Variants in NHLRC2 observed in about 807,000 individuals in gnomAD.
The protein encoded by NHLRC2 is NHL repeat-containing protein 2.
A neutral mutation model predicts 68.1 loss-of-function variants in NHLRC2; 33 were observed. That is an observed-to-expected ratio of 0.48 (90% CI 0.37 to 0.65). The LOEUF is 0.65. NHLRC2 is among the 30% of genes least tolerant of loss of function. The pLI, the probability that NHLRC2 is intolerant of heterozygous loss-of-function variation, is 0.00. For synonymous variants in NHLRC2, 311 were observed against 309.6 expected (o/e 1.00, Z -0.05); for missense variants, 761 against 853.8 (o/e 0.89, Z 1.35).
At chr10:113,898,068 A>T (rs1326185153) in intron 5 of NHLRC2, 42 bp from the exon 6 acceptor site, 2 of 1,186,678 alleles carry the variant, frequency 1.7e-6, no homozygotes, top group Non-Finnish European at 2.4e-6. Flanking sequence ...TGTTTGTATT[A>T]ACCAGATATG....
At chr10:113,859,628 T>C (rs1845797067) in intron 2 of NHLRC2, among the ~76,000 whole-genome samples, 1 of 152,198 alleles carries the variant, frequency 6.6e-6, no homozygotes, top group South Asian at 2.1e-4. Context: ...AATCCTGTTA[T>C]TAAAAATTTA....
intron 9 of NHLRC2, among the ~76,000 whole-genome samples, chr10:113,904,390 A>G (rs992179092): frequency 9.2e-5 from 14 of 152,150 alleles, no homozygotes; most frequent in African/African-American, 2.7e-4. Context: ...TTTGCACGGT[A>G]TATTTTTAAA....
chr10:113,881,198 C>T (rs1846033556), intron 4 of NHLRC2, among the ~76,000 whole-genome samples: 1 of 151,810 alleles, frequency 6.6e-6, no homozygotes, highest in Admixed American at 6.6e-5. Flanking sequence ...AAATAGCCAG[C>T]CTGCAACATT....
At chr10:113,893,951 A>G (rs977691189) in intron 5 of NHLRC2, among the ~76,000 whole-genome samples, 2 of 152,224 alleles carry the variant, frequency 1.3e-5, no homozygotes, top group Non-Finnish European at 2.9e-5. Flanking sequence ...TGTGAAAGAG[A>G]AAGAAAAATG....
rs200648554 is a variant in NHLRC2, at chr10:113,876,966, T to C, written c.777T>C (p.Tyr259=). The C allele has an allele frequency of 5.7e-5, 91 of 1,583,520 alleles. No individual in the cohort carries two copies. Among genetic ancestry groups the C allele is most frequent in the Non-Finnish European group, 1.5e-5 (18 of 1,166,590 alleles). ...TTTGGAAGAATGGACAAATTCAATA[T>C]AGCATTGGAGGTAAAACTTGCTTCT... ...LVVWKNGQIQ[Y]SIGGPNPGRK... is the part of the protein sequence containing the mutation. The change falls in exon 3 of 11, where the codon TAT becomes TAC. Residue 259 remains tyrosine (Y), a synonymous_variant. Coordinates refer to ENST00000369301, the MANE Select transcript of NHLRC2 (RefSeq NM_198514.4).
At chr10:113,856,561 G>C (rs1327842775) in intron 1 of NHLRC2, among the ~76,000 whole-genome samples, 1 of 152,152 alleles carries the variant, frequency 6.6e-6, no homozygotes, top group Non-Finnish European at 1.5e-5. Flanking sequence ...TAGTTATATA[G>C]TAAGTACACT....
At chr10:113,884,482 T>C in intron 5 of NHLRC2, 102 bp downstream of exon 5, 1 of 908,382 alleles carries the variant, frequency 1.1e-6, no homozygotes, top group African/African-American at 1.7e-5. Flanking sequence ...CTAGTTATTT[T>C]ATTTTATACT....
At chr10:113,904,247 A>G (rs1181319925) in intron 9 of NHLRC2, among the ~76,000 whole-genome samples, 1 of 152,068 alleles carries the variant, frequency 6.6e-6, no homozygotes, top group Non-Finnish European at 1.5e-5. Context: ...TAAATGAGTT[A>G]TAGTCAGTTT....
intron 2 of NHLRC2, among the ~76,000 whole-genome samples, chr10:113,864,468 G>A (rs981112241): frequency 6.6e-6 from 1 of 152,180 alleles, no homozygotes; most frequent in Admixed American, 6.5e-5. Context: ...GGGAGGCCAA[G>A]GCAGGCGGAT....
intron 2 of NHLRC2, among the ~76,000 whole-genome samples, chr10:113,861,192 G>A (rs1845813018): frequency 6.6e-6 from 1 of 152,140 alleles, no homozygotes; most frequent in South Asian, 2.1e-4. Context: ...AGAAAACAGA[G>A]CCTAAAGGAC....
intron 5 of NHLRC2, among the ~76,000 whole-genome samples, chr10:113,884,958 T>G (rs1846068109): frequency 6.6e-6 from 1 of 151,766 alleles, no homozygotes; most frequent in South Asian, 2.1e-4. Flanking sequence ...CTAAAAGAAG[T>G]CCAGGAGTAC....
chr10:113,895,933 G>A (rs1846172506), intron 5 of NHLRC2, among the ~76,000 whole-genome samples: 1 of 152,106 alleles, frequency 6.6e-6, no homozygotes, highest in South Asian at 2.1e-4. Flanking sequence ...TTTTCATGTA[G>A]CATTTTAAAA....
At position 113,903,637 on chromosome 10, in the gene NHLRC2, A is replaced by G; in HGVS notation, c.1605A>G (p.Gly535=). The change falls in exon 9 of 11, where the codon GGA becomes GGG. Residue 535 remains glycine, a synonymous_variant. Coordinates refer to ENST00000369301, the MANE Select transcript of NHLRC2 (RefSeq NM_198514.4). ...CAGAGTCAACTTTTAATGAACCAGG[A>G]GGCTTGTGTATTGGAGAGAATGGAG... ...SFTESTFNEP[G]GLCIGENGEL... 6.2e-7 allele frequency: 1 copy of G among 1,605,388 alleles called. No homozygotes were observed. The highest frequency in any genetic ancestry group is 8.5e-7 in the Non-Finnish European group (1 of 1,172,194).
rs1845985410 is a variant in NHLRC2 at position 113,876,759 on chromosome 10, T to C, written c.570T>C (p.Tyr190=). The part of the protein sequence containing the change: ...GEGHKDKLFL[Y]TSIALKYYKD... ...GACACAAAGATAAATTATTTTTATATACTTCAATTGCTTTAAAGTATTACA... is the reference window on the plus strand; with the variant it reads ...GACACAAAGATAAATTATTTTTATACACTTCAATTGCTTTAAAGTATTACA... The change falls in exon 3 of 11, where the codon TAT becomes TAC. Residue 190 remains tyrosine (Y), a synonymous_variant. Coordinates refer to ENST00000369301, the MANE Select transcript of NHLRC2 (RefSeq NM_198514.4). The C allele has an allele frequency of 6.2e-7, 1 of 1,610,826 alleles. No homozygotes were observed. The highest frequency in any genetic ancestry group is 1.3e-5 in the African/African-American group (1 of 74,828).
intron 5 of NHLRC2, among the ~76,000 whole-genome samples, chr10:113,887,945 T>C (rs1846097045): frequency 6.6e-6 from 1 of 152,044 alleles, no homozygotes; most frequent in Admixed American, 6.5e-5. Context: ...AATGTCAATC[T>C]TAGGCCGGGC....
chr10:113,891,794 T>C lies in NHLRC2; in HGVS notation c.1040-6316T>C, dbSNP rs184294447. ...TTGTGTATGGGGATGTTCTCTGTTG[T>C]TCAGCCTCAGCCTTGGGAAGGCCCT... is the stretch of plus-strand genomic sequence containing the variant. On this transcript the variant is annotated intron_variant, in intron 5 of 10. Transcript: ENST00000369301. 9.8e-5 allele frequency among the ~76,000 whole-genome samples: 15 copies of C among 152,308 alleles called. 1 individual carries two copies. The highest frequency in any genetic ancestry group is 7.7e-4 in the East Asian group (4 of 5,176).
At chr10:113,871,949 T>C (rs1257291116) in intron 2 of NHLRC2, among the ~76,000 whole-genome samples, 1 of 152,130 alleles carries the variant, frequency 6.6e-6, no homozygotes, top group East Asian at 1.9e-4. Flanking sequence ...CAAGAACAAG[T>C]GTAGGGGAGA....
intron 5 of NHLRC2, among the ~76,000 whole-genome samples, chr10:113,887,225 C>T (rs575557677): frequency 2.0e-5 from 3 of 151,950 alleles, no homozygotes; most frequent in South Asian, 2.1e-4. Context: ...GATGAGGATG[C>T]GGAAAAAAGA....
rs558242040 is a variant in NHLRC2, at chr10:113,901,874, G to C, written c.1348G>C (p.Val450Leu). 6.2e-7 allele frequency: 1 copy of C among 1,613,118 alleles called. No individual in the cohort carries two copies. Among genetic ancestry groups the C allele is most frequent in the Non-Finnish European group, 8.5e-7 (1 of 1,179,088 alleles). The change falls in exon 7 of 11, where the codon GTA becomes CTA. Residue 450 changes from valine to leucine, a missense_variant. Val to Leu is a conservative substitution (Grantham distance 32, BLOSUM62 1). Coordinates refer to ENST00000369301, the MANE Select transcript of NHLRC2 (RefSeq NM_198514.4). ...GAAAGATGGAGCAGTGAAGCACCTC[G>C]TAGGAGGAGAAAGAGACCCCATGGT... Reference protein sequence around the residue: ...SLKDGAVKHLVGGERDPMNLF... With the variant: ...SLKDGAVKHLLGGERDPMNLF...
Sources: allele counts gnomAD v4.1 joint callset (sites outside exome capture counted in the v4.1 genomes callset), GRCh38; gene constraint gnomAD v4.1.1; transcripts MANE v1.5; gene names NCBI Gene and HGNC (gene_info 2026-07-23, HGNC 2026-07-21).